The following USP32 variants were observed in gnomAD, a reference collection of about 807,000 sequenced individuals.
USP32 encodes ubiquitin carboxyl-terminal hydrolase 32.
Under a neutral mutation model 204.8 loss-of-function variants are expected in USP32, and 59 were observed. The ratio of observed to expected loss-of-function variants is 0.29; its 90% CI spans 0.23 to 0.36. The LOEUF is 0.36. Ranked by LOEUF, USP32 falls within the 10% of genes least tolerant of loss-of-function variation. The pLI is 1.00. For synonymous variants in USP32, 517 were observed against 678.4 expected (o/e 0.76, Z 3.70); for missense variants, 1,160 against 1,946.4 (o/e 0.60, Z 7.60).
At chr17:60,270,163 T>TA (rs1033574086) in intron 6 of USP32, among the ~76,000 whole-genome samples, 6 of 151,968 alleles carry the variant, frequency 3.9e-5, no homozygotes, top group African/African-American at 1.2e-4. Context: ...AAACATTTCG[T>TA]AAAAAAAAGA....
chr17:60,349,590 AAAAAAAATAT>A (rs1268133247), intron 1 of USP32, among the ~76,000 whole-genome samples: 3 of 48,512 alleles, frequency 6.2e-5, no homozygotes, highest in African/African-American at 1.5e-4. Flanking sequence ...AAAAAAAAAA[AAAAAAAATAT>A]ATATATATAT....
At chr17:60,203,459 G>A (rs926914905) in intron 26 of USP32, among the ~76,000 whole-genome samples, 27 of 150,872 alleles carry the variant, frequency 1.8e-4, no homozygotes, top group Non-Finnish European at 3.7e-4. Context: ...CAAATTTGTG[G>A]TAATTTGTTA....
chr17:60,277,363 T>C (rs760113729), intron 5 of USP32, among the ~76,000 whole-genome samples: 1 of 152,200 alleles, frequency 6.6e-6, no homozygotes, highest in Non-Finnish European at 1.5e-5. Flanking sequence ...ACACATTTCT[T>C]TAACATTTTT....
chr17:60,183,583 T>C, intron 30 of USP32, 130 bp from the exon 31 acceptor site: 1 of 1,317,362 alleles, frequency 7.6e-7, no homozygotes, highest in East Asian at 2.4e-5. Context: ...TTCATTATTT[T>C]TTAAAGACTT....
intron 1 of USP32, among the ~76,000 whole-genome samples, chr17:60,409,072 G>T (rs551520156): frequency 2.0e-5 from 3 of 152,306 alleles, no homozygotes; most frequent in Non-Finnish European, 4.4e-5. Context: ...TCTCAGCCGG[G>T]CACAGTGGCT....
chr17:60,243,617 ATATT>A (rs1478547841), intron 11 of USP32, among the ~76,000 whole-genome samples: 1 of 152,200 alleles, frequency 6.6e-6, no homozygotes, highest in East Asian at 1.9e-4. Context: ...GTGTCACAAA[ATATT>A]TATCCCCTTT....
chr17:60,225,905 G>T, intron 13 of USP32, 134 bp downstream of exon 13: 2 of 911,036 alleles, frequency 2.2e-6, no homozygotes, highest in East Asian at 3.1e-5. Context: ...AGTGAGCAGA[G>T]ATCGCGCCAC....
At chr17:60,195,664 C>T (rs530356556) in intron 27 of USP32, among the ~76,000 whole-genome samples, 1 of 152,194 alleles carries the variant, frequency 6.6e-6, no homozygotes, top group African/African-American at 2.4e-5. Flanking sequence ...CTTCTTTTTC[C>T]CTTTTCAATC....
At chr17:60,384,563 G>T (rs1216488457) in intron 1 of USP32, among the ~76,000 whole-genome samples, 1 of 152,022 alleles carries the variant, frequency 6.6e-6, no homozygotes, top group Non-Finnish European at 1.5e-5. Flanking sequence ...AGGCCGAGGC[G>T]GGCGGATCAC....
chr17:60,192,328 G>A (rs1451312001), intron 28 of USP32, among the ~76,000 whole-genome samples: 1 of 152,052 alleles, frequency 6.6e-6, no homozygotes, highest in East Asian at 1.9e-4. Context: ...GAGAGGTGAA[G>A]TTATAGAGTA....
chr17:60,295,388 T>C (rs934945740), intron 3 of USP32, among the ~76,000 whole-genome samples: 1 of 152,280 alleles, frequency 6.6e-6, no homozygotes, highest in African/African-American at 2.4e-5. Context: ...AATGACAAAA[T>C]CATCTGTATA....
intron 8 of USP32, 86 bp from the exon 9 acceptor site, chr17:60,265,560 G>A (rs546956521): frequency 1.0e-4 from 94 of 922,080 alleles, no homozygotes; most frequent in South Asian, 1.0e-3. Context: ...TATTAAGCAA[G>A]ATTTGTTTTG....
chr17:60,360,581 C>A (rs2089185732), intron 1 of USP32, among the ~76,000 whole-genome samples: 4 of 151,656 alleles, frequency 2.6e-5, no homozygotes, highest in Admixed American at 1.3e-4. Flanking sequence ...ATTGCTTGAG[C>A]CTGGAGGTGG....
At chr17:60,359,992 C>G (rs991571239) in intron 1 of USP32, among the ~76,000 whole-genome samples, 1 of 151,818 alleles carries the variant, frequency 6.6e-6, no homozygotes, top group African/African-American at 2.4e-5. Flanking sequence ...CTCAGCCCCC[C>G]GAGTAGCTGG....
chr17:60,223,323 T>C (rs2085302790), intron 14 of USP32, 88 bp downstream of exon 14: 3 of 1,060,318 alleles, frequency 2.8e-6, no homozygotes, highest in South Asian at 1.4e-5. Flanking sequence ...GAACCATCAA[T>C]GTTTTGCTAT....
At chr17:60,272,849 C>G (rs538388665) in intron 5 of USP32, among the ~76,000 whole-genome samples, 1 of 152,182 alleles carries the variant, frequency 6.6e-6, no homozygotes, top group South Asian at 2.1e-4. Flanking sequence ...AGAGTTATGC[C>G]AAGAAAGGGC....
chr17:60,294,350 T>TA (rs1378652206), intron 4 of USP32, among the ~76,000 whole-genome samples: 1 of 151,926 alleles, frequency 6.6e-6, no homozygotes, highest in Non-Finnish European at 1.5e-5. Flanking sequence ...GCAAAGACAC[T>TA]ACAACATGAG....
intron 11 of USP32, among the ~76,000 whole-genome samples, chr17:60,244,717 T>C (rs1181963957): frequency 1.3e-5 from 2 of 152,176 alleles, no homozygotes; most frequent in African/African-American, 4.8e-5. Flanking sequence ...CTGCAACCTC[T>C]GCCTCCTGGG....
intron 2 of USP32, among the ~76,000 whole-genome samples, chr17:60,340,445 A>G (rs374250123): frequency 1.3e-5 from 2 of 152,172 alleles, no homozygotes; most frequent in African/African-American, 2.4e-5. Context: ...GTCTCTTTTG[A>G]TCGTTGTTGG....
Sources: allele counts gnomAD v4.1 joint callset (sites outside exome capture counted in the v4.1 genomes callset), GRCh38; gene constraint gnomAD v4.1.1; transcripts MANE v1.5; gene names NCBI Gene and HGNC (gene_info 2026-07-23, HGNC 2026-07-21).